Variants in DENND1A observed in about 807,000 individuals in gnomAD.
The protein encoded by DENND1A is DENN domain-containing protein 1A.
Under a neutral mutation model 113.7 loss-of-function variants are expected in DENND1A, and 51 were observed. That is an observed-to-expected ratio of 0.45 (90% CI 0.36 to 0.57). The LOEUF is 0.57. Among genes scored for constraint, DENND1A ranks in the 20% least tolerant of loss-of-function variants. The pLI is 0.00. For synonymous variants in DENND1A, 565 were observed against 570.8 expected (o/e 0.99, Z 0.14); for missense variants, 1,258 against 1,395.9 (o/e 0.90, Z 1.57).
chr9:123,895,799 C>T (rs1019439378), intron 1 of DENND1A, among the ~76,000 whole-genome samples: 1 of 152,132 alleles, frequency 6.6e-6, no homozygotes. Flanking sequence ...CAAGACAAAA[C>T]GAACATTCAG....
At chr9:123,579,626 A>C (rs953769094) in intron 12 of DENND1A, among the ~76,000 whole-genome samples, 1 of 152,146 alleles carries the variant, frequency 6.6e-6, no homozygotes, top group Non-Finnish European at 1.5e-5. Flanking sequence ...GAGGATGTGG[A>C]TTTACCAAAT....
chr9:123,635,370 C>T (rs773943408), intron 9 of DENND1A, among the ~76,000 whole-genome samples: 6 of 152,206 alleles, frequency 3.9e-5, no homozygotes, highest in Non-Finnish European at 7.3e-5. Flanking sequence ...AAATAACTTG[C>T]CCAAGGCCAC....
chr9:123,646,670 A>G (rs2062350613), intron 9 of DENND1A, among the ~76,000 whole-genome samples: 1 of 151,810 alleles, frequency 6.6e-6, no homozygotes, highest in Non-Finnish European at 1.5e-5. Context: ...TCCATTTCCT[A>G]CCGTACGAGA....
In DENND1A at chr9:123,706,749, T is replaced by C. The variant is rs2066231944; in HGVS notation, c.303-29960A>G. On this transcript the variant is annotated intron_variant, in intron 5 of 23. Coordinates refer to ENST00000394215, the MANE Select transcript of DENND1A (RefSeq NM_001352964.2). ...TCACGCCACTGCCCTCCAGTCTGGG[T>C]GACAGAGCGAGACTCCGTCTCAAAA... is the stretch of plus-strand genomic sequence containing the variant. 2.7e-5 allele frequency among the ~76,000 whole-genome samples: 3 copies of C among 113,180 alleles called. No individual in the cohort carries two copies. In the South Asian group the frequency reaches 8.1e-4, roughly 31 times the overall value. 74.3% of individuals were successfully genotyped at this position (113,180 alleles called of 152,430 possible).
At chr9:123,399,589 A>G (rs1298564012) in intron 21 of DENND1A, among the ~76,000 whole-genome samples, 1 of 152,202 alleles carries the variant, frequency 6.6e-6, no homozygotes, top group African/African-American at 2.4e-5. Context: ...TTCCTTCCCC[A>G]AGAAGAAACA....
intron 18 of DENND1A, among the ~76,000 whole-genome samples, chr9:123,446,395 T>C (rs2047308100): frequency 6.6e-6 from 1 of 152,184 alleles, no homozygotes; most frequent in Non-Finnish European, 1.5e-5. Flanking sequence ...AAATGTCTGT[T>C]CTACAAGTCT....
At chr9:123,604,614 G>A (rs1490313445) in intron 11 of DENND1A, among the ~76,000 whole-genome samples, 1 of 152,192 alleles carries the variant, frequency 6.6e-6, no homozygotes, top group Non-Finnish European at 1.5e-5. Flanking sequence ...ACAGAAAGAT[G>A]TAGTATCATG....
intron 12 of DENND1A, among the ~76,000 whole-genome samples, chr9:123,581,955 C>G (rs1337250265): frequency 6.6e-6 from 1 of 152,214 alleles, no homozygotes; most frequent in Non-Finnish European, 1.5e-5. Context: ...CCTCACACAG[C>G]TGCCTACAGG....
chr9:123,744,650 C>T (rs2069316726), intron 5 of DENND1A, among the ~76,000 whole-genome samples: 1 of 152,142 alleles, frequency 6.6e-6, no homozygotes, highest in Non-Finnish European at 1.5e-5. Context: ...CACTTTGTCA[C>T]ATGTATGCCC....
intron 13 of DENND1A, among the ~76,000 whole-genome samples, chr9:123,554,780 C>T (rs571219723): frequency 1.3e-4 from 20 of 152,230 alleles, no homozygotes; most frequent in Middle Eastern, 3.4e-3. Flanking sequence ...TTATAATTGG[C>T]ACCACTCTTT....
intron 11 of DENND1A, among the ~76,000 whole-genome samples, chr9:123,588,208 G>T (rs2059275548): frequency 6.8e-6 from 1 of 148,130 alleles, no homozygotes; most frequent in Non-Finnish European, 1.5e-5. Context: ...CTGGGAGGTG[G>T]AGGTTGCAGT....
chr9:123,595,423 G>A (rs1184952148), intron 11 of DENND1A, among the ~76,000 whole-genome samples: 1 of 152,032 alleles, frequency 6.6e-6, no homozygotes, highest in African/African-American at 2.4e-5. Flanking sequence ...TAGGTCTTAG[G>A]GACACAGAGA....
chr9:123,536,459 C>A, intron 13 of DENND1A, among the ~76,000 whole-genome samples: 1 of 140,714 alleles, frequency 7.1e-6, no homozygotes, highest in Non-Finnish European at 1.5e-5. Context: ...GAACAAAACT[C>A]TGTCTCCAAA....
chr9:123,492,371 C>A (rs932275858), intron 13 of DENND1A, among the ~76,000 whole-genome samples: 5 of 152,230 alleles, frequency 3.3e-5, no homozygotes, highest in African/African-American at 1.2e-4. Flanking sequence ...GACAGCCTGG[C>A]TGGGCAGACC....
chr9:123,692,050 G>A (rs949193750), intron 5 of DENND1A, among the ~76,000 whole-genome samples: 1 of 152,084 alleles, frequency 6.6e-6, no homozygotes, highest in Non-Finnish European at 1.5e-5. Context: ...CAGCAGGTGC[G>A]GTCCTCCCAT....
At chr9:123,796,582 G>A (rs1305862609) in intron 2 of DENND1A, among the ~76,000 whole-genome samples, 3 of 152,126 alleles carry the variant, frequency 2.0e-5, no homozygotes, top group South Asian at 2.1e-4. Flanking sequence ...TTACTGGAAA[G>A]GTGCTATAAA....
chr9:123,475,571 G>T (rs531337326), intron 13 of DENND1A, among the ~76,000 whole-genome samples: 4 of 152,306 alleles, frequency 2.6e-5, no homozygotes, highest in South Asian at 2.1e-4. Context: ...GTGCACATTG[G>T]GACCCCATCC....
chr9:123,473,355 C>T (rs1047925155), intron 13 of DENND1A, among the ~76,000 whole-genome samples: 2 of 152,066 alleles, frequency 1.3e-5, no homozygotes, highest in African/African-American at 2.4e-5. Flanking sequence ...CAGGGAACAC[C>T]GTTTAATTAG....
chr9:123,641,056 G>C (rs16926721), intron 9 of DENND1A, among the ~76,000 whole-genome samples: 66,127 of 152,000 alleles, frequency 0.44, 15,248 homozygotes, highest in African/African-American at 0.58. Flanking sequence ...TGCACTTACC[G>C]ATGATTTCAT....
Sources: gnomAD v4.1 joint callset for allele counts (sites outside exome capture counted in the v4.1 genomes callset) on GRCh38, gnomAD v4.1.1 for gene constraint, MANE v1.5 for transcripts, NCBI Gene and HGNC (gene_info 2026-07-23, HGNC 2026-07-21) for gene names.